MIA2: variants seen among roughly 807,000 people sequenced by gnomAD.
The protein encoded by MIA2 is MIA SH3 domain ER export factor 2, also known as melanoma inhibitory activity protein 2.
In MIA2, 127 loss-of-function variants were observed where a neutral mutation model predicts 167.8. That is an observed-to-expected ratio of 0.76 (90% CI 0.66 to 0.88). The LOEUF (loss-of-function observed/expected upper bound fraction) is 0.88. MIA2 is among the 40% of genes least tolerant of loss of function. The pLI, the probability that MIA2 is intolerant of heterozygous loss-of-function variation, is 0.00. For missense variants in MIA2, 1,690 were observed against 1,624.7 expected, an observed-to-expected ratio of 1.04 and a Z score of -0.69; for synonymous variants, 552 against 541.9, an observed-to-expected ratio of 1.02 and a Z score of -0.26.
chr14:39,372,673 C>A (rs886588623), intron 23 of MIA2, among the ~76,000 whole-genome samples: 3 of 152,010 alleles, frequency 2.0e-5, no homozygotes, highest in Admixed American at 2.0e-4. Flanking sequence ...ATATTAAAAC[C>A]TTTTTAATGA....
intron 6 of MIA2, among the ~76,000 whole-genome samples, chr14:39,274,917 A>C (rs2057727678): frequency 6.7e-6 from 1 of 150,058 alleles, no homozygotes; most frequent in African/African-American, 2.4e-5. Context: ...TCTACTAAAA[A>C]TATAAAAACT....
chr14:39,348,331 T>G (rs1425218547), intron 27 of MIA2, among the ~76,000 whole-genome samples: 3 of 152,202 alleles, frequency 2.0e-5, no homozygotes, highest in Non-Finnish European at 4.4e-5. Context: ...TTTAGTTCCC[T>G]CCCCATCCTT....
At position 39,290,953 on chromosome 14, in the gene MIA2, A is replaced by T. The variant is rs959424062; in HGVS notation, c.2131-66A>T. The T allele has an allele frequency of 3.0e-6, 4 of 1,354,300 alleles. No individual in the cohort carries two copies. The African/African-American group carries it at 4.5e-5, about 15-fold the overall frequency. 83.9% of individuals were successfully genotyped at this position (1,354,300 alleles called of 1,614,324 possible). On this transcript the variant is annotated intron_variant, in intron 9 of 28. Coordinates refer to ENST00000640607, the MANE Select transcript of MIA2 (RefSeq NM_001329214.4). ...AATGGATTCTGTCTGCTTCTTAGGC[A>T]TCTATCCAGATAAGATTTAGAATAC...
chr14:39,366,408 G>A (rs1351994006), intron 23 of MIA2, among the ~76,000 whole-genome samples: 1 of 152,212 alleles, frequency 6.6e-6, no homozygotes, highest in Admixed American at 6.5e-5. Flanking sequence ...AATGTCTGTA[G>A]TGGTGGTAAG....
chr14:39,326,500 AATAG>A (rs1445796612), intron 24 of MIA2, among the ~76,000 whole-genome samples: 1 of 152,030 alleles, frequency 6.6e-6, no homozygotes, highest in East Asian at 1.9e-4. Flanking sequence ...AAATTAGTAG[AATAG>A]ATATAGAACT....
chr14:39,325,478 C>T (rs938650009), intron 24 of MIA2, among the ~76,000 whole-genome samples: 2 of 145,342 alleles, frequency 1.4e-5, no homozygotes, highest in Non-Finnish European at 1.5e-5. Flanking sequence ...AGCCATTCTT[C>T]TGCCTCAGCC....
rs773161660 is a variant in MIA2, at chr14:39,295,033, T to C, written c.2496+4T>C. ...ACTTCAGGAAAGCCAGAAACAGGTT[T>C]GTGCTCCGTAGGGACTCTTCAACTT... On this transcript the variant is annotated splice_donor_region_variant and intron_variant, in intron 13 of 28. Coordinates refer to ENST00000640607, the MANE Select transcript of MIA2 (RefSeq NM_001329214.4). The C allele has an allele frequency of 6.3e-7, 1 of 1,586,240 alleles. No individual in the cohort carries two copies. The highest frequency in any genetic ancestry group is 1.1e-5 in the South Asian group (1 of 90,466).
At chr14:39,375,724 A>G (rs2075032106) in intron 23 of MIA2, among the ~76,000 whole-genome samples, 1 of 152,104 alleles carries the variant, frequency 6.6e-6, no homozygotes, top group Non-Finnish European at 1.5e-5. Flanking sequence ...AAAATTGTGG[A>G]TCCAGTTGAG....
chr14:39,278,311 A>G (rs1039178071), intron 7 of MIA2, among the ~76,000 whole-genome samples: 1 of 152,020 alleles, frequency 6.6e-6, no homozygotes, highest in Non-Finnish European at 1.5e-5. Flanking sequence ...TATTTTTCAG[A>G]TGTTGCCCCT....
At chr14:39,257,227 G>T (rs191684617) in intron 6 of MIA2, among the ~76,000 whole-genome samples, 9 of 152,222 alleles carry the variant, frequency 5.9e-5, no homozygotes, top group Non-Finnish European at 1.3e-4. Context: ...TCTAAGTCTC[G>T]TTGTAGGTCT....
At chr14:39,286,121 C>G (rs561866191) in intron 9 of MIA2, among the ~76,000 whole-genome samples, 2 of 152,072 alleles carry the variant, frequency 1.3e-5, no homozygotes, top group African/African-American at 4.8e-5. Flanking sequence ...TGTAGCTAGC[C>G]GAGATCACAC....
chr14:39,279,386 CATT>C (rs537357810), intron 8 of MIA2, 28 bp downstream of exon 8: 795 of 1,606,816 alleles, frequency 4.9e-4, no homozygotes, highest in African/African-American at 3.7e-3. Flanking sequence ...CTTTGACTCT[CATT>C]GTTGTGTTGT....
chr14:39,303,912 C>G (rs1395098148), intron 16 of MIA2, among the ~76,000 whole-genome samples: 1 of 151,812 alleles, frequency 6.6e-6, no homozygotes, highest in Non-Finnish European at 1.5e-5. Context: ...TATTCCTTCT[C>G]TTTTCCACCC....
chr14:39,285,814 CG>C (rs1356523987), intron 9 of MIA2, among the ~76,000 whole-genome samples: 1 of 150,706 alleles, frequency 6.6e-6, no homozygotes, highest in Non-Finnish European at 1.5e-5. Context: ...ATGGGGCGGC[CG>C]GGCAGAGACG....
At chr14:39,348,584 A>T (rs1397483838) in intron 27 of MIA2, among the ~76,000 whole-genome samples, 159 bp from the exon 28 acceptor site, 1 of 152,172 alleles carries the variant, frequency 6.6e-6, no homozygotes, top group African/African-American at 2.4e-5. Flanking sequence ...GTGATAGCTG[A>T]TACATTACTG....
At chr14:39,384,891 T>C (rs781211221) in intron 23 of MIA2, among the ~76,000 whole-genome samples, 5 of 152,208 alleles carry the variant, frequency 3.3e-5, no homozygotes, top group African/African-American at 9.6e-5. Flanking sequence ...CCTTAACTCA[T>C]TGTCTGTGAC....
chr14:39,358,089 A>G (rs886145738), intron 23 of MIA2, among the ~76,000 whole-genome samples: 13 of 152,110 alleles, frequency 8.5e-5, no homozygotes, highest in African/African-American at 3.1e-4. Flanking sequence ...CCTGAATTTG[A>G]ATGTTGGCTT....
At position 39,269,543 on chromosome 14, in the gene MIA2, G is replaced by A. The variant is rs192384670; in HGVS notation, c.1888-7391G>A. On this transcript the variant is annotated intron_variant, in intron 6 of 28. Transcript: ENST00000640607. Reference sequence around the variant, plus strand: ...TCTTTCTTTTTTTTTTTTTGAGACAGGGTCTCATCCCTGTCACCCAGGGGG... The same window carrying A: ...TCTTTCTTTTTTTTTTTTTGAGACAAGGTCTCATCCCTGTCACCCAGGGGG... Among the ~76,000 whole-genome samples, 389 of 149,936 alleles carry A rather than the reference G, an allele frequency of 2.6e-3. 2 individuals carry two copies. Among genetic ancestry groups the A allele is most frequent in the African/African-American group, 9.0e-3 (367 of 40,692 alleles).
intron 6 of MIA2, among the ~76,000 whole-genome samples, chr14:39,262,318 A>T (rs926439623): frequency 2.6e-5 from 4 of 152,038 alleles, no homozygotes; most frequent in Non-Finnish European, 4.4e-5. Context: ...CAAAGATCGG[A>T]TGGTTGTAGA....
Sources: allele counts gnomAD v4.1 joint callset (sites outside exome capture counted in the v4.1 genomes callset), GRCh38; gene constraint gnomAD v4.1.1; transcripts MANE v1.5; gene names NCBI Gene and HGNC (gene_info 2026-07-23, HGNC 2026-07-21).